The following EEF2K variants were observed in gnomAD, a reference collection of about 807,000 sequenced individuals.
EEF2K encodes the protein eukaryotic elongation factor 2 kinase.
Under a neutral mutation model 93.8 loss-of-function variants are expected in EEF2K, and 70 were observed. That is an observed-to-expected ratio of 0.75 (90% confidence interval 0.62 to 0.91). EEF2K has a LOEUF of 0.91. Ranked by LOEUF, EEF2K falls within the 40% of genes least tolerant of loss-of-function variation. EEF2K has a pLI of 0.00. For synonymous variants in EEF2K, 376 were observed against 380.8 expected (o/e 0.99, Z 0.15); for missense variants, 935 against 972.9 (o/e 0.96, Z 0.52).
At chr16:22,220,862 G>A (rs897069409) in intron 1 of EEF2K, among the ~76,000 whole-genome samples, 23 of 152,232 alleles carry the variant, frequency 1.5e-4, no homozygotes, top group African/African-American at 5.3e-4. Context: ...ACTAGGCTGG[G>A]CCTGCTGGCA....
chr16:22,253,368 CTT>C (rs776926506), intron 6 of EEF2K, among the ~76,000 whole-genome samples: 10 of 152,180 alleles, frequency 6.6e-5, no homozygotes, highest in Non-Finnish European at 1.0e-4. Flanking sequence ...ATGAAGCATA[CTT>C]GAGGCAGGCG....
intron 13 of EEF2K, among the ~76,000 whole-genome samples, chr16:22,265,746 A>G (rs567518682): frequency 1.6e-4 from 24 of 152,354 alleles, no homozygotes; most frequent in African/African-American, 5.8e-4. Context: ...GTATCCTGCA[A>G]GAGCCTTTGG....
At chr16:22,259,472 A>T (rs2047441299) in intron 10 of EEF2K, among the ~76,000 whole-genome samples, 1 of 152,212 alleles carries the variant, frequency 6.6e-6, no homozygotes, top group South Asian at 2.1e-4. Context: ...CTGGAACAGG[A>T]GTCAACAGAC....
chr16:22,219,780 A>C (rs1567260266), intron 1 of EEF2K, among the ~76,000 whole-genome samples: 1 of 152,212 alleles, frequency 6.6e-6, no homozygotes, highest in Admixed American at 6.5e-5. Context: ...AAGTTTCTGA[A>C]TCCAGGATTG....
intron 4 of EEF2K, among the ~76,000 whole-genome samples, chr16:22,250,343 C>G (rs2047336643): frequency 6.6e-6 from 1 of 152,046 alleles, no homozygotes; most frequent in Non-Finnish European, 1.5e-5. Context: ...CTTTTTTTCT[C>G]TTACAGTCAG....
chr16:22,214,655 ACT>A (rs923123032), intron 1 of EEF2K, among the ~76,000 whole-genome samples: 1 of 151,878 alleles, frequency 6.6e-6, no homozygotes, highest in African/African-American at 2.4e-5. Flanking sequence ...ACAGAGCCAG[ACT>A]CTCTCAGCAA....
Position 22,257,356 on chromosome 16 carries a change from C to G in EEF2K, c.872C>G (p.Thr291Arg). 3 of 1,613,816 alleles carry G rather than the reference C, an allele frequency of 1.9e-6. No individual in the cohort carries two copies. Among genetic ancestry groups the G allele is most frequent in the Middle Eastern group, 1.7e-4 (1 of 6,060 alleles). ...LYTDPQIHTE[T>R]GTDFGDGNLG... ...ACTGACCCACAGATCCACACGGAGA[C>G]GGGCACTGACTTTGGAGACGGCAAC... Residue 291 changes from threonine to arginine, a missense_variant, in exon 8 of 18, where the codon ACG (threonine) becomes AGG (arginine). Coordinates refer to ENST00000263026, the MANE Select transcript of EEF2K (RefSeq NM_013302.5).
intron 1 of EEF2K, among the ~76,000 whole-genome samples, chr16:22,214,860 C>G (rs77732156): frequency 0.017 from 2,532 of 152,152 alleles, 78 homozygotes; most frequent in African/African-American, 0.058. Context: ...AACACACGAA[C>G]AAAACAAGGA....
chr16:22,245,535 G>A (rs772018939), intron 3 of EEF2K, among the ~76,000 whole-genome samples: 1 of 152,002 alleles, frequency 6.6e-6, no homozygotes, highest in Admixed American at 6.6e-5. Flanking sequence ...CGAGGGTGGG[G>A]TGTTCTGGAG....
rs2046941970 is a variant in EEF2K, at chr16:22,214,511, A to G, written c.-77+7832A>G. On this transcript the variant is annotated intron_variant, in intron 1 of 17. Coordinates refer to ENST00000263026, the MANE Select transcript of EEF2K (RefSeq NM_013302.5). ...CCCATCTCTATAAAAATAAAATAAC[A>G]TAATTAGCCAGATGTGGGTGGTATG... Among the ~76,000 whole-genome samples the G allele has an allele frequency of 2.0e-5, 3 of 152,016 alleles. No homozygotes were observed. The South Asian group carries it at 6.2e-4, about 31-fold the overall frequency.
At chr16:22,226,699 T>G (rs1350373825) in intron 2 of EEF2K, among the ~76,000 whole-genome samples, 3 of 151,996 alleles carry the variant, frequency 2.0e-5, no homozygotes, top group Non-Finnish European at 2.9e-5. Flanking sequence ...AAATTTTTTT[T>G]GTAGAAATGG....
chr16:22,285,739 C>T lies in EEF2K; in HGVS notation c.*1743C>T, dbSNP rs1437584577. On this transcript the variant is annotated 3_prime_UTR_variant, in exon 18 of 18. Coordinates refer to ENST00000263026, the MANE Select transcript of EEF2K (RefSeq NM_013302.5). ...ATTTTTCTTTGTTTAAAAGTCAAAA[C>T]ATAAAAAAGCAGAGTATAACATACA... is the stretch of plus-strand genomic sequence containing the variant. 6.6e-6 allele frequency: 1 copy of T among 152,544 alleles called. No homozygotes were observed. Among genetic ancestry groups the T allele is most frequent in the Non-Finnish European group, 1.5e-5 (1 of 68,020 alleles). The allele number at this position is 152,544 out of a possible 1,614,324, so 9.4% of individuals were successfully genotyped here.
At chr16:22,228,776 T>C (rs1383928717) in intron 2 of EEF2K, among the ~76,000 whole-genome samples, 1 of 152,126 alleles carries the variant, frequency 6.6e-6, no homozygotes, top group African/African-American at 2.4e-5. Context: ...AGCTTCGGGG[T>C]AAGGGAAAAC....
At chr16:22,282,311 T>TC (rs1211088960) in intron 17 of EEF2K, among the ~76,000 whole-genome samples, 1 of 152,230 alleles carries the variant, frequency 6.6e-6, no homozygotes, top group African/African-American at 2.4e-5. Context: ...CACTGTGTCC[T>TC]CACATGACCT....
intron 3 of EEF2K, among the ~76,000 whole-genome samples, chr16:22,246,033 C>T (rs1166386568): frequency 6.6e-6 from 1 of 152,152 alleles, no homozygotes; most frequent in East Asian, 1.9e-4. Flanking sequence ...GTTGGAGGCT[C>T]AGTCCTACAA....
chr16:22,248,613 G>C lies in EEF2K; in HGVS notation c.348-142G>C, dbSNP rs967343230. ...ACAGTGTCTCCAACCCAACCCAGGA[G>C]GTTGGCTGGGCTATGGGCCAAGGTG... On this transcript the variant is annotated intron_variant, in intron 3 of 17. Transcript: ENST00000263026. The C allele has an allele frequency of 2.0e-5, 17 of 859,486 alleles. No homozygotes were observed. In the African/African-American group the frequency reaches 2.7e-4, roughly 13 times the overall value. The allele number at this position is 859,486 out of a possible 1,614,324, so 53.2% of individuals were successfully genotyped here.
chr16:22,225,634 G>C lies in EEF2K; in HGVS notation c.-76-20G>C, dbSNP rs570023753. The stretch of plus-strand genomic sequence containing the variant: ...CCCTGGGCCCCAGCACCCACTCTCT[G>C]GCCCTTGCTTTCCTTGTAGGACCTT... On this transcript the variant is annotated intron_variant, in intron 1 of 17. Coordinates refer to ENST00000263026, the MANE Select transcript of EEF2K (RefSeq NM_013302.5). 1.1e-4 allele frequency: 166 copies of C among 1,539,226 alleles called. No homozygotes were observed. The Admixed American group carries it at 3.0e-3, about 28-fold the overall frequency.
chr16:22,225,750 C>G lies in EEF2K; in HGVS notation c.21C>G (p.Ile7Met). The change falls in exon 2 of 18, where the codon ATC becomes ATG. Residue 7 changes from isoleucine (I) to methionine (M), a missense_variant. Physicochemically the swap from Ile to Met is conservative, Grantham distance 10. Coordinates refer to ENST00000263026, the MANE Select transcript of EEF2K (RefSeq NM_013302.5). ...GGAACATGGCAGACGAAGATCTCAT[C>G]TTCCGCCTGGAAGGCGTTGATGGCG... MADEDLIFRLEGVDGGQ... is the reference protein window; with the variant it reads MADEDLMFRLEGVDGGQ... 1 of 1,614,170 alleles carries G rather than the reference C, an allele frequency of 6.2e-7. No individual in the cohort carries two copies. Among genetic ancestry groups the G allele is most frequent in the Admixed American group, 1.7e-5 (1 of 60,022 alleles).
At position 22,251,238 on chromosome 16, in the gene EEF2K, G is replaced by C; in HGVS notation, c.534G>C (p.Arg178=). 2 of 1,614,126 alleles carry C rather than the reference G, an allele frequency of 1.2e-6. No homozygotes were observed. Among genetic ancestry groups the C allele is most frequent in the Non-Finnish European group, 1.7e-6 (2 of 1,180,014 alleles). The change falls in exon 6 of 18, where the codon CGG becomes CGC. Residue 178 remains arginine, a synonymous_variant. Transcript: ENST00000263026. The part of the protein sequence containing the change: ...VAKRYIEPVD[R]DVYFEDVRLQ... ...AGCGCTACATCGAGCCCGTAGACCG[G>C]GATGTGTACTTTGAGGACGTGCGTC...
Sources: allele counts gnomAD v4.1 joint callset (sites outside exome capture counted in the v4.1 genomes callset), GRCh38; gene constraint gnomAD v4.1.1; transcripts MANE v1.5; gene names NCBI Gene and HGNC (gene_info 2026-07-23, HGNC 2026-07-21).